The following STX12 variants were observed in gnomAD, a reference collection of about 807,000 sequenced individuals.
STX12 encodes syntaxin-12.
Under a neutral mutation model 42.2 loss-of-function variants are expected in STX12, and 17 were observed. That is an observed-to-expected ratio of 0.40 (90% CI 0.28 to 0.60). STX12 has a LOEUF of 0.60. Ranked by LOEUF, STX12 falls within the 20% of genes least tolerant of loss-of-function variation. The probability of loss-of-function intolerance (pLI) is 0.39; values close to 1 mark genes in which losing one functional copy is unlikely to be tolerated. For missense variants in STX12, 297 were observed against 330.9 expected (o/e 0.90, Z 0.79); for synonymous variants, 108 against 116.7 (o/e 0.93, Z 0.48).
chr1:27,797,439 A>G (rs2088794809), intron 3 of STX12, among the ~76,000 whole-genome samples: 1 of 151,774 alleles, frequency 6.6e-6, no homozygotes, highest in Admixed American at 6.6e-5. Context: ...ATTCTCTTTC[A>G]TTGTGTCCCC....
chr1:27,818,049 C>T, intron 7 of STX12, 126 bp downstream of exon 7: 1 of 697,164 alleles, frequency 1.4e-6, no homozygotes, highest in Non-Finnish European at 2.4e-6. Context: ...ACCTGGGCAA[C>T]ATAATGAGAA....
At chr1:27,818,652 G>C (rs754372414) in intron 7 of STX12, among the ~76,000 whole-genome samples, 6 of 149,286 alleles carry the variant, frequency 4.0e-5, no homozygotes, top group Non-Finnish European at 8.9e-5. Flanking sequence ...TTTTTGAGAC[G>C]GAGTTTTGCT....
At chr1:27,807,618 A>G (rs373093409) in intron 4 of STX12, among the ~76,000 whole-genome samples, 2 of 152,220 alleles carry the variant, frequency 1.3e-5, no homozygotes, top group East Asian at 1.9e-4. Context: ...GGTATAAGTT[A>G]GAACAACTAC....
In STX12 at chr1:27,823,738, T is replaced by TAA. The variant is rs2089001214; in HGVS notation, c.*1410_*1411insAA. ...ATAAGTTTCTTTGCACTGTTGCACT[T>TAA]ACTTAATACAAATAAATGTTTTTTA... On this transcript the variant is annotated 3_prime_UTR_variant, in exon 9 of 9. Transcript: ENST00000373943. 6.5e-6 allele frequency: 1 copy of TAA among 152,698 alleles called. No homozygotes were observed. Among genetic ancestry groups the TAA allele is most frequent in the African/African-American group, 2.4e-5 (1 of 41,472 alleles). 9.5% of individuals were successfully genotyped at this position (152,698 alleles called of 1,614,324 possible).
intron 5 of STX12, 146 bp downstream of exon 5, chr1:27,810,435 A>G: frequency 1.4e-6 from 1 of 713,106 alleles, no homozygotes; most frequent in Admixed American, 2.7e-5. Flanking sequence ...AATAAAATTA[A>G]AAAGGCAAAA....
intron 5 of STX12, 68 bp from the exon 6 acceptor site, chr1:27,812,095 G>C: frequency 7.9e-7 from 1 of 1,273,126 alleles, no homozygotes; most frequent in South Asian, 1.3e-5. Flanking sequence ...TGGCAGTAGA[G>C]ATGTTGGAGA....
At chr1:27,777,146 TAATA>T (rs1286988617) in intron 1 of STX12, among the ~76,000 whole-genome samples, 4 of 145,408 alleles carry the variant, frequency 2.8e-5, no homozygotes, top group Non-Finnish European at 6.3e-5. Context: ...TGTCAAGTAA[TAATA>T]AATGCTATGA....
intron 4 of STX12, among the ~76,000 whole-genome samples, chr1:27,804,488 C>T (rs1192062715): frequency 6.6e-6 from 1 of 150,832 alleles, no homozygotes; most frequent in African/African-American, 2.4e-5. Flanking sequence ...TACTAAGGAC[C>T]TGTATTAGTC....
Position 27,812,241 on chromosome 1 carries a change from A to C in STX12, c.549A>C (p.Glu183Asp). 1 of 1,559,042 alleles carries C rather than the reference A, an allele frequency of 6.4e-7. No homozygotes were observed. The highest frequency in any genetic ancestry group is 1.2e-5 in the South Asian group (1 of 84,468). ...ITEQDLELIKERETAIRQLEA... is the reference protein window; with the variant it reads ...ITEQDLELIKDRETAIRQLEA... ...AGCAGGATTTGGAACTTATTAAAGA[A>C]AGAGAAACGGCAATTCGGCAGCTGG... The change falls in exon 6 of 9, where the codon GAA becomes GAC. Residue 183 changes from glutamate to aspartate, a missense_variant. Glu to Asp is a conservative substitution (Grantham distance 45, BLOSUM62 2). Transcript: ENST00000373943.
At chr1:27,792,201 CATATATATGTATCT>C (rs2088750210) in intron 2 of STX12, among the ~76,000 whole-genome samples, 1 of 118,002 alleles carries the variant, frequency 8.5e-6, no homozygotes, top group African/African-American at 3.1e-5. Flanking sequence ...TATGTATATA[CATATATATGTATCT>C]ATATATATGT....
At chr1:27,789,910 T>G (rs1407455910) in intron 2 of STX12, among the ~76,000 whole-genome samples, 1 of 152,196 alleles carries the variant, frequency 6.6e-6, no homozygotes, top group Admixed American at 6.5e-5. Flanking sequence ...GTACCACTAT[T>G]AAACTATATT....
chr1:27,815,048 A>G lies in STX12; in HGVS notation c.576+2780A>G, dbSNP rs149438863. 6.1e-3 allele frequency among the ~76,000 whole-genome samples: 924 copies of G among 152,318 alleles called. 12 individuals carry two copies. The highest frequency in any genetic ancestry group is 0.021 in the African/African-American group (875 of 41,568). ...ACATTACTAATACAATGTAAGTGCTATGTAAAATAGTAATGTAGTATAAAA... is the reference window on the plus strand; with the variant it reads ...ACATTACTAATACAATGTAAGTGCTGTGTAAAATAGTAATGTAGTATAAAA... On this transcript the variant is annotated intron_variant, in intron 6 of 8. Coordinates refer to ENST00000373943, the MANE Select transcript of STX12 (RefSeq NM_177424.3).
At position 27,791,600 on chromosome 1, in the gene STX12, G is replaced by A. The variant is rs558015524; in HGVS notation, c.189-1933G>A. Reference sequence around the variant, plus strand: ...GGAGGCCGAGGTGGGTGGGTCACGAGGTCAGGAGATCGAGACCATCCTGGC... The same window carrying A: ...GGAGGCCGAGGTGGGTGGGTCACGAAGTCAGGAGATCGAGACCATCCTGGC... On this transcript the variant is annotated intron_variant, in intron 2 of 8. Coordinates refer to ENST00000373943, the MANE Select transcript of STX12 (RefSeq NM_177424.3). Among the ~76,000 whole-genome samples the A allele has an allele frequency of 2.2e-4, 33 of 152,312 alleles. No individual in the cohort carries two copies. The East Asian group carries it at 6.0e-3, about 28-fold the overall frequency.
chr1:27,786,813 A>G (rs929435168), intron 1 of STX12, among the ~76,000 whole-genome samples: 1 of 152,246 alleles, frequency 6.6e-6, no homozygotes, highest in Non-Finnish European at 1.5e-5. Context: ...TGCTCAGTAA[A>G]TGAAAATTCA....
chr1:27,800,492 T>C (rs2088820143), intron 3 of STX12, among the ~76,000 whole-genome samples: 1 of 32,676 alleles, frequency 3.1e-5, no homozygotes, highest in African/African-American at 1.5e-4. Flanking sequence ...GTATGTGGTG[T>C]GTGTGTGTGT....
At chr1:27,779,006 C>T (rs2088646070) in intron 1 of STX12, among the ~76,000 whole-genome samples, 2 of 152,078 alleles carry the variant, frequency 1.3e-5, no homozygotes, top group South Asian at 4.1e-4. Flanking sequence ...ACCATCCTCC[C>T]ACCTCAGTCT....
chr1:27,783,905 G>A (rs905787178), intron 1 of STX12, among the ~76,000 whole-genome samples: 1 of 151,944 alleles, frequency 6.6e-6, no homozygotes, highest in East Asian at 1.9e-4. Flanking sequence ...TTGGCCAAGC[G>A]TGGTGGCTCA....
chr1:27,800,700 G>A (rs2088822384), intron 3 of STX12, among the ~76,000 whole-genome samples: 1 of 152,028 alleles, frequency 6.6e-6, no homozygotes, highest in East Asian at 1.9e-4. Flanking sequence ...TTTATTTTTT[G>A]TAGAGATAGG....
At chr1:27,784,218 A>G (rs2088686430) in intron 1 of STX12, among the ~76,000 whole-genome samples, 1 of 151,570 alleles carries the variant, frequency 6.6e-6, no homozygotes, top group South Asian at 2.1e-4. Context: ...TTAAATTTTT[A>G]TTCATTTGTC....
Sources: gnomAD v4.1 joint callset for allele counts (sites outside exome capture counted in the v4.1 genomes callset) on GRCh38, gnomAD v4.1.1 for gene constraint, MANE v1.5 for transcripts, NCBI Gene and HGNC (gene_info 2026-07-23, HGNC 2026-07-21) for gene names.